Variants in SYNPO observed in about 807,000 individuals in gnomAD.
SYNPO encodes the protein synaptopodin.
A neutral mutation model predicts 49.5 loss-of-function variants in SYNPO; 19 were observed. The observed-to-expected ratio is 0.38, with a 90% CI of 0.27 to 0.56. SYNPO has a LOEUF of 0.56. Among genes scored for constraint, SYNPO ranks in the 20% least tolerant of loss-of-function variants. The pLI, the probability that SYNPO is intolerant of heterozygous loss-of-function variation, is 0.68. For missense variants in SYNPO, 1,131 were observed against 1,248.3 expected, an observed-to-expected ratio of 0.91 and a Z score of 1.42; for synonymous variants, 536 against 548.0, an observed-to-expected ratio of 0.98 and a Z score of 0.31.
chr5:150,638,512 T>C, upstream of SYNPO, among the ~76,000 whole-genome samples: 2 of 152,210 alleles, frequency 1.3e-5, 1 homozygote, highest in Non-Finnish European at 2.9e-5. Context: ...TGGAAGTGCT[T>C]GTCCTTTAGT....
intron 1 of SYNPO, chr5:150,615,479 GA>G (rs1292661416): frequency 6.6e-6 from 1 of 152,308 alleles, no homozygotes; most frequent in Non-Finnish European, 1.5e-5. Context: ...ACGGTGGGGG[GA>G]TGACGGAGGT....
In SYNPO at chr5:150,657,053, G is replaced by A. The variant is rs144893816; in HGVS notation, c.2678G>A (p.Gly893Asp). 3.1e-6 allele frequency: 5 copies of A among 1,596,084 alleles called. No individual in the cohort carries two copies. Among genetic ancestry groups the A allele is most frequent in the African/African-American group, 1.3e-5 (1 of 74,162 alleles). Residue 893 changes from glycine to aspartate, a missense_variant, in exon 3 of 3, where the codon GGC becomes GAC. Around this residue, in one of 4 missense-constraint regions of SYNPO, gnomAD observed 509 missense variants for 484.5 expected, o/e 1.05. Coordinates refer to ENST00000307662, the MANE Select transcript of SYNPO (RefSeq NM_007286.6). The part of the protein sequence containing the change: ...GWNGSLRLKR[G>D]SLPAEASCTT ...AATGGCAGCCTTCGGCTCAAGCGTG[G>A]CAGCCTCCCCGCCGAGGCCTCCTGC...
chr5:150,635,563 G>A (rs1287145790), intron 2 of SYNPO, among the ~76,000 whole-genome samples: 1 of 152,162 alleles, frequency 6.6e-6, no homozygotes, highest in Admixed American at 6.5e-5. Context: ...CCACCTCCTG[G>A]GTTGAAGTGA....
At chr5:150,610,290 G>A (rs1170750765) in intron 1 of SYNPO, among the ~76,000 whole-genome samples, 1 of 152,140 alleles carries the variant, frequency 6.6e-6, no homozygotes, top group African/African-American at 2.4e-5. Context: ...TCACAGGCAC[G>A]GCAGAGCCAG....
chr5:150,655,254 C>T (rs2151433179), intron 2 of SYNPO, among the ~76,000 whole-genome samples: 1 of 152,320 alleles, frequency 6.6e-6, no homozygotes, highest in East Asian at 1.9e-4. Context: ...CTCCCTGCCC[C>T]AGCCTACTCT....
At chr5:150,654,850 G>A (rs770026564) in intron 2 of SYNPO, among the ~76,000 whole-genome samples, 4 of 152,246 alleles carry the variant, frequency 2.6e-5, no homozygotes, top group Non-Finnish European at 4.4e-5. Context: ...AGTCGGCCAG[G>A]CGCGGTGGCT....
chr5:150,602,488 G>A (rs1756570348), intron 1 of SYNPO, among the ~76,000 whole-genome samples: 1 of 152,232 alleles, frequency 6.6e-6, no homozygotes, highest in Non-Finnish European at 1.5e-5. Context: ...CCAGCGGGTA[G>A]TTGGAAATAA....
chr5:150,618,565 C>G, exon 2 of SYNPO: 1 of 1,549,474 alleles, frequency 6.5e-7, no homozygotes, highest in South Asian at 1.2e-5. Context: ...GGAGTGGGGA[C>G]GACTCTGCCT....
chr5:150,648,960 C>T lies in SYNPO; in HGVS notation c.685C>T (p.Leu229=). 1 of 1,614,262 alleles carries T rather than the reference C, an allele frequency of 6.2e-7. No homozygotes were observed. Among genetic ancestry groups the T allele is most frequent in the Non-Finnish European group, 8.5e-7 (1 of 1,180,042 alleles). The change falls in exon 2 of 3, where the codon CTG becomes TTG. Residue 229 remains leucine (L), a synonymous_variant. Transcript: ENST00000307662. The surrounding 1 kb of genome is among the most constrained non-coding windows in gnomAD (Gnocchi z 5.0). ...GGTCTACAGTGAGGTCCACTTCACA[C>T]TGGCCAAGCCCCCATCAGTGGTCAA... is the stretch of plus-strand genomic sequence containing the variant. ...TKVYSEVHFT[L]AKPPSVVNRT...
chr5:150,598,677 G>A (rs1756468021), upstream of SYNPO, among the ~76,000 whole-genome samples: 1 of 152,228 alleles, frequency 6.6e-6, no homozygotes, highest in African/African-American at 2.4e-5. Context: ...GCAGAGCCCA[G>A]CCCAGAACTC....
upstream of SYNPO, among the ~76,000 whole-genome samples, chr5:150,635,765 C>T (rs1757695528): frequency 6.6e-6 from 1 of 152,212 alleles, no homozygotes; most frequent in Non-Finnish European, 1.5e-5. Flanking sequence ...ACCCAGCCCA[C>T]ACTTTTCTTA....
chr5:150,650,839 C>A, intron 2 of SYNPO: 4 of 1,278,648 alleles, frequency 3.1e-6, no homozygotes, highest in Non-Finnish European at 4.0e-6. Flanking sequence ...TTGCTGGATT[C>A]TCACCTCCAT....
the SYNPO span, among the ~76,000 whole-genome samples, chr5:150,591,790 G>A: frequency 6.6e-6 from 1 of 152,130 alleles, no homozygotes; most frequent in Admixed American, 6.5e-5. Flanking sequence ...CTCTCTCTCT[G>A]ATAAAAAGGA....
chr5:150,591,428 G>A, the SYNPO span, among the ~76,000 whole-genome samples: 1 of 152,220 alleles, frequency 6.6e-6, no homozygotes. Flanking sequence ...CAGAATTCCA[G>A]CCATCAAGCC....
intron 1 of SYNPO, among the ~76,000 whole-genome samples, chr5:150,612,812 C>T (rs1323911795): frequency 6.6e-6 from 1 of 152,126 alleles, no homozygotes; most frequent in East Asian, 1.9e-4. Flanking sequence ...CAGGGTCTCA[C>T]TCTGTCACCC....
At chr5:150,650,518 G>A in intron 2 of SYNPO, 1 of 1,478,164 alleles carries the variant, frequency 6.8e-7, no homozygotes, top group South Asian at 1.4e-5. Context: ...CTGAGCTGAA[G>A]CCGCCCCTCC....
At chr5:150,629,865 G>T (rs918734265) in intron 2 of SYNPO, among the ~76,000 whole-genome samples, 1 of 152,070 alleles carries the variant, frequency 6.6e-6, no homozygotes, top group Non-Finnish European at 1.5e-5. Flanking sequence ...CGCACACCTG[G>T]TAAGTGGCTA....
chr5:150,625,703 G>T (rs934160921), intron 2 of SYNPO, among the ~76,000 whole-genome samples: 2 of 152,198 alleles, frequency 1.3e-5, no homozygotes, highest in Non-Finnish European at 2.9e-5. Flanking sequence ...GCCCTGGCAG[G>T]ACCTCTTTGA....
chr5:150,655,911 A>C lies in SYNPO; in HGVS notation c.2029-493A>C, dbSNP rs1011348485. Among the ~76,000 whole-genome samples, 13 of 152,322 alleles carry C rather than the reference A, an allele frequency of 8.5e-5. No individual in the cohort carries two copies. In the East Asian group the frequency reaches 2.1e-3, roughly 25 times the overall value. Reference sequence around the variant, plus strand: ...GGTGATCCACCCGCCTCGGCCTCCCAAAGTGCTGGGACTACAGGCGCGGGC... The same window carrying C: ...GGTGATCCACCCGCCTCGGCCTCCCCAAGTGCTGGGACTACAGGCGCGGGC... On this transcript the variant is annotated intron_variant, in intron 2 of 2. Coordinates refer to ENST00000307662, the MANE Select transcript of SYNPO (RefSeq NM_007286.6).
Sources: allele counts gnomAD v4.1 joint callset (sites outside exome capture counted in the v4.1 genomes callset), GRCh38; gene constraint gnomAD v4.1.1; regional missense constraint gnomAD v4.1.1; non-coding constraint Gnocchi (gnomAD v3.1); transcripts MANE v1.5; gene names NCBI Gene and HGNC (gene_info 2026-07-23, HGNC 2026-07-21).